Variants in ADGRV1 observed in about 807,000 individuals in gnomAD.
ADGRV1 encodes the protein G-protein coupled receptor 98.
In ADGRV1, 359 loss-of-function variants were observed where a neutral mutation model predicts 596.2. That is an observed-to-expected ratio of 0.60 (90% CI 0.55 to 0.66). ADGRV1 has a LOEUF of 0.66. Among genes scored for constraint, ADGRV1 ranks in the 30% least tolerant of loss-of-function variants. ADGRV1 has a pLI of 0.00. For synonymous variants in ADGRV1, 2,681 were observed against 2,679.2 expected, an observed-to-expected ratio of 1.00 and a Z score of -0.02; for missense variants, 7,274 against 7,575.6, an observed-to-expected ratio of 0.96 and a Z score of 1.48.
chr5:90,882,722 G>A (rs188690878), intron 83 of ADGRV1, among the ~76,000 whole-genome samples: 10 of 152,094 alleles, frequency 6.6e-5, no homozygotes, highest in East Asian at 3.9e-4. Context: ...AGGAACTAGG[G>A]CATATGGATT....
intron 84 of ADGRV1, among the ~76,000 whole-genome samples, chr5:90,982,755 C>T (rs1278698525): frequency 6.6e-6 from 1 of 151,880 alleles, no homozygotes; most frequent in African/African-American, 2.4e-5. Context: ...CCGGGCCAGG[C>T]TTCTCCCCTG....
intron 85 of ADGRV1, among the ~76,000 whole-genome samples, chr5:91,061,068 A>G (rs1017548436): frequency 7.2e-5 from 11 of 152,180 alleles, no homozygotes; most frequent in African/African-American, 2.7e-4. Context: ...TTTCTAGAAA[A>G]TCATTAGGTA....
rs11423089 is a variant in ADGRV1, at chr5:91,130,522, CAAAAA to C, written c.18433-19491_18433-19487del. 8.2e-5 allele frequency among the ~76,000 whole-genome samples: 6 copies of C among 73,350 alleles called. No homozygotes were observed. In the Admixed American group the frequency reaches 1.1e-3, roughly 14 times the overall value. The allele number at this position is 73,350 out of a possible 152,430, so 48.1% of individuals were successfully genotyped here. ...GGGTGACAAGAGTGAAACTCCATCTCAAAAAAAAAAAAAAAAAAAAAGTCTTGATG... is the reference window on the plus strand; with the variant it reads ...GGGTGACAAGAGTGAAACTCCATCTCAAAAAAAAAAAAAAAAGTCTTGATG... On this transcript the variant is annotated intron_variant, in intron 87 of 89. Coordinates refer to ENST00000405460, the MANE Select transcript of ADGRV1 (RefSeq NM_032119.4).
chr5:90,614,659 T>G (rs769291483), intron 1 of ADGRV1, 176 bp from the exon 2 acceptor site: 1 of 671,846 alleles, frequency 1.5e-6, no homozygotes, highest in Admixed American at 2.1e-5. Context: ...TAGAATCGTG[T>G]TTTTTTAACT....
At chr5:90,972,292 A>G (rs1313614877) in intron 84 of ADGRV1, among the ~76,000 whole-genome samples, 1 of 152,198 alleles carries the variant, frequency 6.6e-6, no homozygotes, top group African/African-American at 2.4e-5. Flanking sequence ...AGACAGATCA[A>G]TGAGACAGAA....
At chr5:91,006,915 AC>A (rs1456715775) in intron 85 of ADGRV1, among the ~76,000 whole-genome samples, 1 of 152,172 alleles carries the variant, frequency 6.6e-6, no homozygotes, top group African/African-American at 2.4e-5. Flanking sequence ...AGGAGGTGGT[AC>A]AGTGGGTGAT....
chr5:91,002,167 G>T (rs1781903042), intron 85 of ADGRV1, among the ~76,000 whole-genome samples: 1 of 151,878 alleles, frequency 6.6e-6, no homozygotes, highest in Admixed American at 6.6e-5. Context: ...AACTTGTCTG[G>T]TCTTGGGTGG....
intron 70 of ADGRV1, among the ~76,000 whole-genome samples, chr5:90,796,871 T>C (rs1760777127): frequency 6.6e-6 from 1 of 152,128 alleles, no homozygotes; most frequent in African/African-American, 2.4e-5. Context: ...CCAGCCAAAC[T>C]AAGCTTCATA....
intron 77 of ADGRV1, among the ~76,000 whole-genome samples, chr5:90,830,026 A>C (rs1420710967): frequency 6.6e-6 from 1 of 152,154 alleles, no homozygotes; most frequent in African/African-American, 2.4e-5. Context: ...CAGTTTCATT[A>C]AAAGTTCCCT....
chr5:90,705,297 A>G, intron 36 of ADGRV1, 103 bp from the exon 37 acceptor site: 1 of 918,096 alleles, frequency 1.1e-6, no homozygotes, highest in Non-Finnish European at 1.7e-6. Flanking sequence ...AGAAGTAAAT[A>G]GAACACTTTT....
chr5:90,850,732 C>G (rs1439731798), intron 79 of ADGRV1: 2 of 152,180 alleles, frequency 1.3e-5, no homozygotes, highest in Non-Finnish European at 2.9e-5. Context: ...TGTGAACCAT[C>G]TACCTTGCTG....
chr5:90,768,045 T>G (rs73177428), intron 59 of ADGRV1, among the ~76,000 whole-genome samples: 3,087 of 152,312 alleles, frequency 0.02, 38 homozygotes, highest in Middle Eastern at 0.082. Context: ...TCCTCAGTAA[T>G]AAGAAGCAAT....
chr5:90,635,607 C>G (rs989863248), intron 10 of ADGRV1, among the ~76,000 whole-genome samples: 25 of 128,542 alleles, frequency 1.9e-4, no homozygotes, highest in African/African-American at 7.2e-4. Context: ...TTTTTTTTTT[C>G]TTTGAGAGAG....
At chr5:90,851,028 AG>A in intron 79 of ADGRV1, among the ~76,000 whole-genome samples, 1 of 151,882 alleles carries the variant, frequency 6.6e-6, no homozygotes, top group Middle Eastern at 3.4e-3. Flanking sequence ...AATGGCAGTC[AG>A]GCAAGAATTA....
At chr5:90,710,689 TTTAAC>T (rs1339902020) in intron 39 of ADGRV1, among the ~76,000 whole-genome samples, 1 of 152,190 alleles carries the variant, frequency 6.6e-6, no homozygotes, top group African/African-American at 2.4e-5. Flanking sequence ...CCAAATATGT[TTTAAC>T]TAATTAAAAT....
intron 83 of ADGRV1, among the ~76,000 whole-genome samples, chr5:90,913,876 C>A (rs1773116746): frequency 6.6e-6 from 1 of 152,124 alleles, no homozygotes; most frequent in Non-Finnish European, 1.5e-5. Flanking sequence ...ATAAATGATA[C>A]TTTTGTCCTG....
intron 85 of ADGRV1, among the ~76,000 whole-genome samples, chr5:91,034,011 T>G (rs1213313998): frequency 1.3e-4 from 20 of 152,228 alleles, no homozygotes. Flanking sequence ...AATATTTTGA[T>G]TTCTTTATGT....
intron 87 of ADGRV1, among the ~76,000 whole-genome samples, 199 bp from the exon 88 acceptor site, chr5:91,149,831 C>CAAAAAAA (rs59523008): frequency 2.9e-4 from 25 of 85,806 alleles, no homozygotes; most frequent in East Asian, 7.0e-4. Flanking sequence ...AACTCCAGCT[C>CAAAAAAA]AAAAAAAAAA....
chr5:90,656,508 A>G (rs1580619101), intron 20 of ADGRV1, among the ~76,000 whole-genome samples: 1 of 152,220 alleles, frequency 6.6e-6, no homozygotes, highest in Admixed American at 6.5e-5. Flanking sequence ...GGGAACTTAT[A>G]TCATTACAGT....
Sources: allele counts gnomAD v4.1 joint callset (sites outside exome capture counted in the v4.1 genomes callset), GRCh38; gene constraint gnomAD v4.1.1; transcripts MANE v1.5; gene names NCBI Gene and HGNC (gene_info 2026-07-23, HGNC 2026-07-21).